SPAST: variants seen among roughly 807,000 people sequenced by gnomAD.
The protein encoded by SPAST is spastic paraplegia 4 (autosomal dominant; spastin).
A neutral mutation model predicts 76.6 loss-of-function variants in SPAST; 30 were observed. The ratio of observed to expected loss-of-function variants is 0.39; its 90% CI spans 0.29 to 0.53. SPAST has a LOEUF of 0.53. Among genes scored for constraint, SPAST ranks in the 20% least tolerant of loss-of-function variants. The pLI, the probability that SPAST is intolerant of heterozygous loss-of-function variation, is 0.68. For missense variants in SPAST, 717 were observed against 770.5 expected (o/e 0.93, Z 0.82); for synonymous variants, 305 against 281.0 (o/e 1.09, Z -0.86).
In SPAST at chr2:32,063,572, G is replaced by A. The variant is rs1249692851; in HGVS notation, c.-260G>A. 7.9e-6 allele frequency: 4 copies of A among 509,512 alleles called. No homozygotes were observed. The highest frequency in any genetic ancestry group is 2.6e-5 in the South Asian group (1 of 39,046). 31.6% of individuals were successfully genotyped at this position (509,512 alleles called of 1,614,324 possible). A position where few individuals can be genotyped will look rare whatever the true frequency, so the allele number is the denominator to read the frequency against. On this transcript the variant is annotated 5_prime_UTR_variant, in exon 1 of 17. Transcript: ENST00000315285. ...TGCGCGTGCGCGGCCGCCGCTGGGA[G>A]CCACCAGGCGGCGGAGAGGACAGCG...
chr2:32,156,990 T>TA lies in SPAST; in HGVS notation c.*2495dup, dbSNP rs1420427429. 6.6e-6 allele frequency: 1 copy of TA among 152,254 alleles called. No homozygotes were observed. The highest frequency in any genetic ancestry group is 2.4e-5 in the African/African-American group (1 of 41,450). The allele number at this position is 152,254 out of a possible 1,614,324, so 9.4% of individuals were successfully genotyped here. A position where few individuals can be genotyped will look rare whatever the true frequency, so the allele number is the denominator to read the frequency against. ...TTCTTTGATAGAAGGGCCATGAAAATAGAGTAATGATATAGTAGGAGATAA... is the reference window on the plus strand; with the variant it reads ...TTCTTTGATAGAAGGGCCATGAAAATAAGAGTAATGATATAGTAGGAGATAA... On this transcript the variant is annotated 3_prime_UTR_variant, in exon 17 of 17. Transcript: ENST00000315285.
intron 3 of SPAST, among the ~76,000 whole-genome samples, chr2:32,090,254 T>C (rs1049493021): frequency 2.2e-4 from 33 of 152,212 alleles, no homozygotes; most frequent in African/African-American, 7.5e-4. Flanking sequence ...TCTATGGCTT[T>C]CATGCTACGG....
intron 3 of SPAST, among the ~76,000 whole-genome samples, chr2:32,094,201 A>G (rs1050155157): frequency 1.3e-5 from 2 of 152,296 alleles, no homozygotes; most frequent in Admixed American, 6.5e-5. Context: ...ATTGAAAGAC[A>G]GGAATTTGTG....
intron 9 of SPAST, among the ~76,000 whole-genome samples, chr2:32,132,065 C>T (rs569558482): frequency 6.6e-6 from 1 of 152,298 alleles, no homozygotes; most frequent in African/African-American, 2.4e-5. Context: ...AATTCTGATA[C>T]TGCCTGAATA....
chr2:32,090,747 C>T (rs923494424), intron 3 of SPAST, among the ~76,000 whole-genome samples: 2 of 152,096 alleles, frequency 1.3e-5, no homozygotes, highest in Non-Finnish European at 2.9e-5. Context: ...TACAGTCTGA[C>T]TTTTGCTGCA....
chr2:32,091,455 T>C (rs1456698926), intron 3 of SPAST, among the ~76,000 whole-genome samples: 1 of 150,982 alleles, frequency 6.6e-6, no homozygotes, highest in Non-Finnish European at 1.5e-5. Flanking sequence ...TTTTGTATTT[T>C]TAGTAGGGAC....
chr2:32,066,373 G>T (rs759807573), intron 1 of SPAST, among the ~76,000 whole-genome samples: 2 of 152,168 alleles, frequency 1.3e-5, no homozygotes, highest in Middle Eastern at 3.4e-3. Context: ...ATGTTTAAGC[G>T]TAGATCATTT....
At position 32,093,866 on chromosome 2, in the gene SPAST, A is replaced by G. The variant is rs1019852248; in HGVS notation, c.586+4261A>G. Among the ~76,000 whole-genome samples, 158 of 152,302 alleles carry G rather than the reference A, an allele frequency of 1.0e-3. 1 individual carries two copies. Among genetic ancestry groups the G allele is most frequent in the African/African-American group, 3.7e-3 (153 of 41,574 alleles). On this transcript the variant is annotated intron_variant, in intron 3 of 16. Coordinates refer to ENST00000315285, the MANE Select transcript of SPAST (RefSeq NM_014946.4). ...CAGATACGCCAATTTGCCGACATCA[A>G]AATTAATCTTTTCATCTATTGCAGG... is the stretch of plus-strand genomic sequence containing the variant.
At chr2:32,143,125 A>T (rs935040227) in intron 13 of SPAST, among the ~76,000 whole-genome samples, 1 of 152,084 alleles carries the variant, frequency 6.6e-6, no homozygotes, top group African/African-American at 2.4e-5. Flanking sequence ...GAAATTAACC[A>T]GGCATGGTGG....
chr2:32,112,922 C>G (rs1678671570), intron 4 of SPAST, among the ~76,000 whole-genome samples: 2 of 151,676 alleles, frequency 1.3e-5, no homozygotes, highest in Admixed American at 1.3e-4. Context: ...ATGTTTGTTG[C>G]GTAGTATGTA....
At chr2:32,121,436 C>T (rs1679015179) in intron 7 of SPAST, among the ~76,000 whole-genome samples, 1 of 151,934 alleles carries the variant, frequency 6.6e-6, no homozygotes, top group Admixed American at 6.6e-5. Flanking sequence ...CCACTGCGCC[C>T]AGCCCCTCTT....
In SPAST at chr2:32,064,263, G is replaced by T. The variant is rs748969302; in HGVS notation, c.415+17G>T. The stretch of plus-strand genomic sequence containing the variant: ...ATGAGAAAGGTAACTAGGGGGCTGG[G>T]GGAGGGGGCGGCGGCGCCGGGAAGA... On this transcript the variant is annotated intron_variant, in intron 1 of 16. Coordinates refer to ENST00000315285, the MANE Select transcript of SPAST (RefSeq NM_014946.4). The T allele has an allele frequency of 8.8e-5, 136 of 1,537,702 alleles. No homozygotes were observed. The highest frequency in any genetic ancestry group is 1.1e-4 in the Non-Finnish European group (128 of 1,139,022).
intron 4 of SPAST, among the ~76,000 whole-genome samples, chr2:32,103,559 A>G (rs1033565229): frequency 1.3e-5 from 2 of 152,040 alleles, no homozygotes; most frequent in East Asian, 1.9e-4. Context: ...TGGTGATGTT[A>G]GGGTGTCAAT....
intron 1 of SPAST, among the ~76,000 whole-genome samples, chr2:32,085,095 C>T (rs1299504199): frequency 1.3e-5 from 2 of 150,840 alleles, no homozygotes; most frequent in East Asian, 3.9e-4. Flanking sequence ...AACTAAAAAA[C>T]AAAAATACAT....
chr2:32,135,861 C>T (rs6725068), intron 9 of SPAST, among the ~76,000 whole-genome samples: 5,745 of 152,110 alleles, frequency 0.038, 368 homozygotes, highest in African/African-American at 0.13. Flanking sequence ...TAAAGAAGGG[C>T]AGGCTTAAAG....
At chr2:32,106,535 C>T (rs1302321079) in intron 4 of SPAST, among the ~76,000 whole-genome samples, 1 of 152,220 alleles carries the variant, frequency 6.6e-6, no homozygotes, top group African/African-American at 2.4e-5. Context: ...TTCTGTGTCG[C>T]TCACACTGGG....
intron 2 of SPAST, 30 bp from the exon 3 acceptor site, chr2:32,089,492 T>G: frequency 8.3e-7 from 1 of 1,211,632 alleles, no homozygotes; most frequent in South Asian, 1.2e-5. Context: ...TTGGGAAATG[T>G]AGATATTTTA....
At chr2:32,121,536 T>A (rs1220136855) in intron 7 of SPAST, among the ~76,000 whole-genome samples, 2 of 31,700 alleles carry the variant, frequency 6.3e-5, no homozygotes, top group East Asian at 6.5e-4. Context: ...TCTTTCTCAC[T>A]TTTTTTTTTT....
chr2:32,064,370 C>A, intron 1 of SPAST, 124 bp downstream of exon 1: 1 of 855,848 alleles, frequency 1.2e-6, no homozygotes, highest in Non-Finnish European at 1.8e-6. Context: ...AATTGATATG[C>A]CCCGGGAGAC....
Sources: allele counts gnomAD v4.1 joint callset (sites outside exome capture counted in the v4.1 genomes callset), GRCh38; gene constraint gnomAD v4.1.1; transcripts MANE v1.5; gene names NCBI Gene and HGNC (gene_info 2026-07-23, HGNC 2026-07-21).